The following FRMD4B variants were observed in gnomAD, a reference collection of about 807,000 sequenced individuals.
FRMD4B encodes the protein FERM domain containing 4B, also known as FERM domain-containing protein 4B.
A neutral mutation model predicts 141.5 loss-of-function variants in FRMD4B; 74 were observed. That is an observed-to-expected ratio of 0.52 (90% CI 0.43 to 0.63). FRMD4B has a LOEUF of 0.63. Among genes scored for constraint, FRMD4B ranks in the 30% least tolerant of loss-of-function variants. The pLI is 0.00. For missense variants in FRMD4B, 1,366 were observed against 1,253.4 expected (o/e 1.09, Z -1.36); for synonymous variants, 506 against 467.9 (o/e 1.08, Z -1.05).
At chr3:69,431,325 C>A (rs1705175144) in intron 2 of FRMD4B, among the ~76,000 whole-genome samples, 1 of 152,180 alleles carries the variant, frequency 6.6e-6, no homozygotes, top group African/African-American at 2.4e-5. Context: ...GTACACTGAG[C>A]CCCTGTAGCT....
chr3:69,383,078 T>TTA (rs201028357), intron 1 of FRMD4B, among the ~76,000 whole-genome samples: 2 of 82,340 alleles, frequency 2.4e-5, no homozygotes, highest in African/African-American at 4.2e-5. Context: ...GCTAAATATC[T>TTA]CACGTCAATT....
chr3:69,407,921 G>GT (rs1463899394), intron 2 of FRMD4B, among the ~76,000 whole-genome samples: 1 of 152,086 alleles, frequency 6.6e-6, no homozygotes, highest in Non-Finnish European at 1.5e-5. Flanking sequence ...TCCTGGCCAT[G>GT]TGGGGGAAAA....
intron 10 of FRMD4B, among the ~76,000 whole-genome samples, chr3:69,218,010 G>T (rs1017004543): frequency 2.0e-5 from 3 of 152,046 alleles, no homozygotes; most frequent in African/African-American, 7.2e-5. Context: ...TTGAAATAAC[G>T]CTGGAGACTG....
intron 2 of FRMD4B, among the ~76,000 whole-genome samples, chr3:69,392,057 A>C (rs1481003777): frequency 6.6e-6 from 1 of 152,230 alleles, no homozygotes; most frequent in Non-Finnish European, 1.5e-5. Flanking sequence ...CCAATAAATG[A>C]CTATTTGTCT....
Position 69,278,647 on chromosome 3 carries a change from C to T in FRMD4B, c.501+9105G>A, listed in dbSNP as rs186299721. Among the ~76,000 whole-genome samples, 77 of 151,672 alleles carry T rather than the reference C, an allele frequency of 5.1e-4. 1 individual carries two copies. In the East Asian group the frequency reaches 7.6e-3, roughly 15 times the overall value. On this transcript the variant is annotated intron_variant, in intron 5 of 22. Coordinates refer to ENST00000398540, the MANE Select transcript of FRMD4B (RefSeq NM_015123.3). ...TGCCGCTCAGGCAGGAGTGCAGCAG[C>T]GCAATCTCGGCTTACTGCAACCTCC... is the stretch of plus-strand genomic sequence containing the variant.
At chr3:69,339,108 A>C (rs1702650146) in intron 1 of FRMD4B, among the ~76,000 whole-genome samples, 1 of 152,168 alleles carries the variant, frequency 6.6e-6, no homozygotes, top group Non-Finnish European at 1.5e-5. Context: ...CATGTTTGCA[A>C]GCCTGCTTCA....
intron 3 of FRMD4B, among the ~76,000 whole-genome samples, chr3:69,310,182 G>A (rs550803176): frequency 6.6e-6 from 1 of 152,198 alleles, no homozygotes; most frequent in Admixed American, 6.5e-5. Context: ...CAGCTGCTTG[G>A]TTTTTGCCCA....
intron 1 of FRMD4B, among the ~76,000 whole-genome samples, chr3:69,479,798 T>G (rs937883845): frequency 1.3e-5 from 2 of 152,206 alleles, no homozygotes; most frequent in Non-Finnish European, 2.9e-5. Flanking sequence ...ATCTTGCAGA[T>G]TGTTTTCCAA....
chr3:69,332,357 T>A (rs1381134629), intron 1 of FRMD4B, among the ~76,000 whole-genome samples: 2 of 152,206 alleles, frequency 1.3e-5, no homozygotes, highest in Non-Finnish European at 2.9e-5. Context: ...GGAGTCTCAA[T>A]GTGCCAGAAA....
At chr3:69,390,745 T>A (rs955543340), upstream of FRMD4B, among the ~76,000 whole-genome samples, 2 of 151,966 alleles carry the variant, frequency 1.3e-5, no homozygotes, top group African/African-American at 2.4e-5. Flanking sequence ...TAACAAAAAT[T>A]AGCCGGGAGT....
Position 69,196,303 on chromosome 3 carries a change from T to C in FRMD4B, c.1186A>G (p.Thr396Ala), listed in dbSNP as rs9310141. 1,600,805 of 1,609,808 alleles carry C rather than the reference T, an allele frequency of 0.99. 796,336 individuals are homozygous for C. Among genetic ancestry groups the C allele is most frequent in the East Asian group, 1 (44,704 of 44,704 alleles). ...CTTGCCATGATGAACTGACTTTTCG[T>C]CTCCAGTGTCACCAGCTTGGAGGCC... The part of the protein sequence containing the change: ...QRASKLVTLE[T>A]KSQFIMASNG... Residue 396 changes from threonine to alanine, a missense_variant, in exon 14 of 23, where the codon ACG becomes GCG. Coordinates refer to ENST00000398540, the MANE Select transcript of FRMD4B (RefSeq NM_015123.3).
chr3:69,389,582 T>C (rs997995458), upstream of FRMD4B, among the ~76,000 whole-genome samples: 8 of 152,218 alleles, frequency 5.3e-5, no homozygotes, highest in African/African-American at 1.9e-4. Context: ...AGACATCTTA[T>C]TTCTACTGAC....
chr3:69,170,898 A>G lies in FRMD4B; in HGVS notation c.*963T>C, dbSNP rs925391959. 1 of 151,980 alleles carries G rather than the reference A, an allele frequency of 6.6e-6. No individual in the cohort carries two copies. The highest frequency in any genetic ancestry group is 1.5e-5 in the Non-Finnish European group (1 of 67,988). The allele number at this position is 151,980 out of a possible 1,614,324, so 9.4% of individuals were successfully genotyped here. A position where few individuals can be genotyped will look rare whatever the true frequency, so the allele number is the denominator to read the frequency against. ...CTTGTTTAATTTTCTAACGTTCACC[A>G]TTTTAAGGCACGCAATTCATCTAAA... On this transcript the variant is annotated 3_prime_UTR_variant, in exon 23 of 23. Transcript: ENST00000398540.
chr3:69,367,871 C>G (rs529151277), intron 1 of FRMD4B, among the ~76,000 whole-genome samples: 1 of 152,280 alleles, frequency 6.6e-6, no homozygotes, highest in African/African-American at 2.4e-5. Flanking sequence ...TGACTGGAAA[C>G]AACTAGACTG....
chr3:69,181,056 G>C lies in FRMD4B; in HGVS notation c.2694C>G (p.His898Gln), dbSNP rs2092701760. The change falls in exon 21 of 23, where the codon CAC becomes CAG. Residue 898 changes from histidine (H) to glutamine (Q), a missense_variant. Physicochemically the swap from His to Gln is conservative, Grantham distance 24. Transcript: ENST00000398540. ...AGGCCCGCTGGTACCAGCCACGCAA[G>C]TGCTCGGCAACTAAGGCCTTGTGGA... The part of the protein sequence containing the change: ...KNIHKALVAE[H>Q]LRGWYQRASG... The C allele has an allele frequency of 1.9e-6, 3 of 1,614,032 alleles. No homozygotes were observed. Among genetic ancestry groups the C allele is most frequent in the Non-Finnish European group, 2.5e-6 (3 of 1,179,894 alleles).
chr3:69,222,004 G>A, intron 8 of FRMD4B, 81 bp from the exon 9 acceptor site: 1 of 777,478 alleles, frequency 1.3e-6, no homozygotes, highest in Non-Finnish European at 2.3e-6. Flanking sequence ...TCAGGTGGCT[G>A]TCAGGAAACT....
chr3:69,273,268 C>T (rs1427031667), intron 5 of FRMD4B, among the ~76,000 whole-genome samples: 1 of 152,142 alleles, frequency 6.6e-6, no homozygotes, highest in African/African-American at 2.4e-5. Context: ...TTCTTTGGAG[C>T]TCTAAGAAAA....
chr3:69,367,967 T>G (rs1703714540), intron 1 of FRMD4B, among the ~76,000 whole-genome samples: 1 of 152,248 alleles, frequency 6.6e-6, no homozygotes, highest in Admixed American at 6.5e-5. Context: ...TCATTCTTAT[T>G]TTAGGTAATT....
chr3:69,485,947 C>A (rs1706208064), intron 1 of FRMD4B, among the ~76,000 whole-genome samples: 1 of 152,206 alleles, frequency 6.6e-6, no homozygotes, highest in East Asian at 1.9e-4. Context: ...CTCTGTAACA[C>A]CAATACATGC....
Sources: allele counts gnomAD v4.1 joint callset (sites outside exome capture counted in the v4.1 genomes callset), GRCh38; gene constraint gnomAD v4.1.1; transcripts MANE v1.5; gene names NCBI Gene and HGNC (gene_info 2026-07-23, HGNC 2026-07-21).